The following SCFD1 variants were observed in gnomAD, a reference collection of about 807,000 sequenced individuals.
The protein encoded by SCFD1 is sec1 family domain containing 1.
SCFD1 carries 37 observed loss-of-function variants against 103.2 expected under a neutral mutation model. The observed-to-expected ratio is 0.36, with a 90% CI of 0.28 to 0.47. The LOEUF (loss-of-function observed/expected upper bound fraction) is 0.47. SCFD1 is among the 20% of genes least tolerant of loss of function. SCFD1 has a pLI of 1.00. For missense variants in SCFD1, 639 were observed against 761.2 expected (o/e 0.84, Z 1.89); for synonymous variants, 264 against 245.0 (o/e 1.08, Z -0.73).
intron 14 of SCFD1, among the ~76,000 whole-genome samples, chr14:30,677,307 C>T (rs1352745478): frequency 2.0e-5 from 3 of 152,070 alleles, no homozygotes; most frequent in Non-Finnish European, 2.9e-5. Context: ...ACTATTGGTG[C>T]ATTCCACCAC....
At chr14:30,655,547 G>A (rs917645939) in intron 10 of SCFD1, among the ~76,000 whole-genome samples, 4 of 152,132 alleles carry the variant, frequency 2.6e-5, no homozygotes, top group African/African-American at 9.7e-5. Flanking sequence ...GGACTCCTTG[G>A]GGGCACAGGA....
chr14:30,628,320 C>T (rs1395359114), intron 2 of SCFD1, 41 bp downstream of exon 2: 1 of 1,352,084 alleles, frequency 7.4e-7, no homozygotes, highest in Admixed American at 1.8e-5. Context: ...CTGTTTTTCT[C>T]AGCCCTTATT....
chr14:30,674,274 G>A (rs570052114), intron 13 of SCFD1, among the ~76,000 whole-genome samples: 6 of 152,232 alleles, frequency 3.9e-5, no homozygotes, highest in South Asian at 2.1e-4. Flanking sequence ...TAGGGCAAGC[G>A]ATTATTAATT....
intron 14 of SCFD1, among the ~76,000 whole-genome samples, chr14:30,682,182 A>C (rs1180729957): frequency 6.6e-6 from 1 of 152,244 alleles, no homozygotes; most frequent in African/African-American, 2.4e-5. Context: ...TGAAATAACC[A>C]ACTAGTAAGA....
chr14:30,732,331 G>A (rs1272207733), intron 23 of SCFD1, among the ~76,000 whole-genome samples: 1 of 152,174 alleles, frequency 6.6e-6, no homozygotes, highest in Non-Finnish European at 1.5e-5. Flanking sequence ...TTGAATAGAA[G>A]AGGCAAGAGC....
intron 5 of SCFD1, among the ~76,000 whole-genome samples, chr14:30,638,548 G>T (rs1328135025): frequency 1.3e-5 from 2 of 152,158 alleles, no homozygotes; most frequent in African/African-American, 4.8e-5. Flanking sequence ...GAAATCATTT[G>T]ACAGTTGTAT....
intron 17 of SCFD1, among the ~76,000 whole-genome samples, chr14:30,702,776 A>G (rs1369557734): frequency 2.0e-5 from 3 of 152,192 alleles, no homozygotes; most frequent in Non-Finnish European, 4.4e-5. Flanking sequence ...ATACTCTGCT[A>G]TTAGGAATAT....
At chr14:30,708,935 AT>A (rs1249967965) in intron 19 of SCFD1, among the ~76,000 whole-genome samples, 2 of 152,114 alleles carry the variant, frequency 1.3e-5, no homozygotes, top group Non-Finnish European at 2.9e-5. Context: ...TTTTCAAAAG[AT>A]TTGTTTTTTA....
At chr14:30,704,244 T>C (rs1891315165) in intron 17 of SCFD1, among the ~76,000 whole-genome samples, 1 of 151,944 alleles carries the variant, frequency 6.6e-6, no homozygotes, top group Non-Finnish European at 1.5e-5. Flanking sequence ...GATACAATCA[T>C]AGCTCACTGT....
intron 3 of SCFD1, 28 bp from the exon 4 acceptor site, chr14:30,633,919 A>G (rs377699744): frequency 6.0e-6 from 8 of 1,332,956 alleles, no homozygotes; most frequent in South Asian, 2.6e-5. Context: ...GAATAAAAAA[A>G]TAAGTTTTAG....
chr14:30,691,937 T>TTTAC lies in SCFD1; in HGVS notation c.1243-2833_1243-2832insCTTA, dbSNP rs1314382662. Among the ~76,000 whole-genome samples the TTTAC allele has an allele frequency of 2.2e-5, 3 of 134,844 alleles. No individual in the cohort carries two copies. In the East Asian group the frequency reaches 6.1e-4, roughly 27 times the overall value. The allele number at this position is 134,844 out of a possible 152,430, so 88.5% of individuals were successfully genotyped here. ...CTGCTATGGCATTTAGCATACTTTA[T>TTTAC]TTATTTATTTATTTATTTATTTATT... On this transcript the variant is annotated intron_variant, in intron 14 of 24. Coordinates refer to ENST00000458591, the MANE Select transcript of SCFD1 (RefSeq NM_016106.4).
chr14:30,726,129 A>G (rs772171901), intron 23 of SCFD1, among the ~76,000 whole-genome samples: 2 of 152,212 alleles, frequency 1.3e-5, no homozygotes, highest in South Asian at 4.1e-4. Context: ...TTTACATTAT[A>G]TAACAGAAAA....
intron 3 of SCFD1, among the ~76,000 whole-genome samples, chr14:30,631,416 T>C (rs1884116793): frequency 6.6e-6 from 1 of 152,174 alleles, no homozygotes; most frequent in South Asian, 2.1e-4. Flanking sequence ...ACGTAATTTA[T>C]TGACTGCAGT....
intron 17 of SCFD1, 49 bp from the exon 18 acceptor site, chr14:30,705,774 G>T (rs1440066923): frequency 7.3e-7 from 1 of 1,378,726 alleles, no homozygotes; most frequent in Non-Finnish European, 1.0e-6. Flanking sequence ...GTGACACCCA[G>T]AGTTAGTTCT....
intron 10 of SCFD1, among the ~76,000 whole-genome samples, chr14:30,666,180 AAGAAC>A (rs749008824): frequency 3.9e-4 from 59 of 152,346 alleles, no homozygotes; most frequent in Non-Finnish European, 7.8e-4. Flanking sequence ...GCAAATGTAA[AAGAAC>A]AGAAATCACA....
chr14:30,647,782 C>G (rs753931762), intron 7 of SCFD1, among the ~76,000 whole-genome samples: 2 of 152,102 alleles, frequency 1.3e-5, no homozygotes, highest in African/African-American at 2.4e-5. Context: ...TCCTGAGTAG[C>G]TGGGATTATA....
At chr14:30,649,644 G>A (rs1463735443) in intron 8 of SCFD1, 61 bp downstream of exon 8, 1 of 1,210,576 alleles carries the variant, frequency 8.3e-7, no homozygotes, top group Non-Finnish European at 1.2e-6. Context: ...TTTCCCACAA[G>A]TAACGCAACT....
chr14:30,653,045 A>C (rs1886552143), intron 9 of SCFD1, among the ~76,000 whole-genome samples: 1 of 152,124 alleles, frequency 6.6e-6, no homozygotes, highest in African/African-American at 2.4e-5. Context: ...ATCTGGCATC[A>C]TACACAAGCT....
chr14:30,719,623 G>T (rs1892517498), intron 21 of SCFD1, among the ~76,000 whole-genome samples: 1 of 151,998 alleles, frequency 6.6e-6, no homozygotes, highest in South Asian at 2.1e-4. Context: ...TTTATGAAAT[G>T]GTGGAGGTAT....
Sources: gnomAD v4.1 joint callset for allele counts (sites outside exome capture counted in the v4.1 genomes callset) on GRCh38, gnomAD v4.1.1 for gene constraint, MANE v1.5 for transcripts, NCBI Gene and HGNC (gene_info 2026-07-23, HGNC 2026-07-21) for gene names.